PTPRT: variants seen among roughly 807,000 people sequenced by gnomAD.
PTPRT encodes the protein receptor-type tyrosine-protein phosphatase T.
A neutral mutation model predicts 176.8 loss-of-function variants in PTPRT; 56 were observed. That is an observed-to-expected ratio of 0.32 (90% CI 0.26 to 0.40). PTPRT has a LOEUF of 0.40. Among genes scored for constraint, PTPRT ranks in the 10% least tolerant of loss-of-function variants. PTPRT has a pLI of 1.00. For missense variants in PTPRT, 1,540 were observed against 1,908.2 expected (o/e 0.81, Z 3.60); for synonymous variants, 783 against 739.0 (o/e 1.06, Z -0.96).
chr20:42,605,598 G>C (rs932043584), intron 7 of PTPRT, among the ~76,000 whole-genome samples: 2 of 152,186 alleles, frequency 1.3e-5, no homozygotes, highest in Non-Finnish European at 2.9e-5. Flanking sequence ...TTGGAGGAAA[G>C]GGTGTTCCTG....
intron 5 of PTPRT, among the ~76,000 whole-genome samples, chr20:42,766,150 A>G (rs562363868): frequency 1.3e-5 from 2 of 152,334 alleles, no homozygotes; most frequent in South Asian, 4.1e-4. Context: ...TGGACTCCAC[A>G]AAACTGTAGA....
At chr20:42,536,095 C>T (rs1236573924) in intron 7 of PTPRT, among the ~76,000 whole-genome samples, 2 of 151,990 alleles carry the variant, frequency 1.3e-5, no homozygotes, top group African/African-American at 2.4e-5. Flanking sequence ...AATGCTGCAC[C>T]AAGCAGAAGC....
At chr20:42,113,375 C>T (rs938484694) in intron 22 of PTPRT, among the ~76,000 whole-genome samples, 6 of 152,200 alleles carry the variant, frequency 3.9e-5, no homozygotes, top group African/African-American at 1.4e-4. Flanking sequence ...GAGACTGGTA[C>T]CCCTGGGTCC....
chr20:42,544,207 C>T (rs1193605209), intron 7 of PTPRT, among the ~76,000 whole-genome samples: 2 of 152,210 alleles, frequency 1.3e-5, no homozygotes, highest in African/African-American at 2.4e-5. Context: ...AGACTTTTGT[C>T]TACACTAAAA....
chr20:42,973,849 A>C (rs975531583), intron 1 of PTPRT, among the ~76,000 whole-genome samples: 1 of 152,232 alleles, frequency 6.6e-6, no homozygotes, highest in African/African-American at 2.4e-5. Context: ...TTATTTTACC[A>C]GTACTCCATT....
intron 7 of PTPRT, among the ~76,000 whole-genome samples, chr20:42,644,795 T>C (rs1459793393): frequency 2.0e-5 from 3 of 152,194 alleles, no homozygotes; most frequent in Non-Finnish European, 4.4e-5. Flanking sequence ...GCAATTCATT[T>C]ACATTGCCTT....
chr20:42,535,301 A>T (rs1187929714), intron 7 of PTPRT, among the ~76,000 whole-genome samples: 1 of 152,192 alleles, frequency 6.6e-6, no homozygotes, highest in African/African-American at 2.4e-5. Flanking sequence ...AGAAAGGAAC[A>T]GCAGACACTG....
At chr20:42,033,594 G>T in the PTPRT span, among the ~76,000 whole-genome samples, 26 of 152,234 alleles carry the variant, frequency 1.7e-4, no homozygotes, top group East Asian at 2.5e-3. Context: ...TATGATGCAT[G>T]GTTAAGAGGG....
At chr20:42,140,274 C>G (rs1600577494) in intron 18 of PTPRT, among the ~76,000 whole-genome samples, 1 of 151,958 alleles carries the variant, frequency 6.6e-6, no homozygotes, top group African/African-American at 2.4e-5. Context: ...GAGCTGAGAC[C>G]CAGGGATGTT....
rs176378 is a variant in PTPRT at position 42,879,187 on chromosome 20, G to A, written c.214+6620C>T. On this transcript the variant is annotated intron_variant, in intron 2 of 30. Transcript: ENST00000373187. ...TAGAACTGCTATTAAAAATTACCAT[G>A]AGCTGGGTGGCTTAAGACAACAGAA... Among the ~76,000 whole-genome samples, 515 of 152,304 alleles carry A rather than the reference G, an allele frequency of 3.4e-3. 4 individuals carry two copies. Among genetic ancestry groups the A allele is most frequent in the African/African-American group, 0.011 (475 of 41,570 alleles).
At chr20:42,618,041 A>G (rs1167223037) in intron 7 of PTPRT, among the ~76,000 whole-genome samples, 1 of 136,102 alleles carries the variant, frequency 7.3e-6, no homozygotes. Flanking sequence ...TAGGGTGTCA[A>G]TTTTGGATCT....
At chr20:42,844,375 C>T (rs947178023) in intron 2 of PTPRT, among the ~76,000 whole-genome samples, 3 of 152,064 alleles carry the variant, frequency 2.0e-5, no homozygotes, top group Non-Finnish European at 2.9e-5. Context: ...AGATATGAGC[C>T]TGATGCCAAA....
intron 8 of PTPRT, among the ~76,000 whole-genome samples, chr20:42,454,787 GAGAA>G (rs1444083304): frequency 1.3e-5 from 2 of 152,126 alleles, no homozygotes; most frequent in African/African-American, 4.8e-5. Flanking sequence ...TTTTGTATGG[GAGAA>G]AGAGAGAGAC....
chr20:43,062,729 C>T (rs1987524447), intron 1 of PTPRT, among the ~76,000 whole-genome samples: 1 of 152,176 alleles, frequency 6.6e-6, no homozygotes. Context: ...ACATGGTTGA[C>T]AGTTACTATT....
At chr20:43,003,545 G>T (rs1984700474) in intron 1 of PTPRT, among the ~76,000 whole-genome samples, 1 of 152,140 alleles carries the variant, frequency 6.6e-6, no homozygotes, top group Admixed American at 6.5e-5. Flanking sequence ...TACACAAAAT[G>T]TCGGCCCTGA....
intron 6 of PTPRT, among the ~76,000 whole-genome samples, chr20:42,737,010 A>T (rs2076550622): frequency 1.3e-5 from 2 of 152,132 alleles, no homozygotes; most frequent in South Asian, 4.1e-4. Flanking sequence ...TGGGAGGGGG[A>T]TTTCAAATTC....
intron 4 of PTPRT, among the ~76,000 whole-genome samples, chr20:42,777,965 A>G (rs866217481): frequency 2.6e-5 from 4 of 152,164 alleles, no homozygotes; most frequent in African/African-American, 9.6e-5. Context: ...ACCCAACAGG[A>G]GCACATTATG....
chr20:42,420,006 A>T (rs1350951565), intron 9 of PTPRT, among the ~76,000 whole-genome samples: 1 of 152,150 alleles, frequency 6.6e-6, no homozygotes, highest in African/African-American at 2.4e-5. Context: ...GGTTTTCCCC[A>T]ACAGCCTTCG....
At chr20:43,087,976 G>A (rs2011669077) in intron 1 of PTPRT, among the ~76,000 whole-genome samples, 2 of 152,144 alleles carry the variant, frequency 1.3e-5, no homozygotes, top group Admixed American at 1.3e-4. Context: ...CCATACCACT[G>A]TAAGATGGCT....
Sources: allele counts gnomAD v4.1 joint callset (sites outside exome capture counted in the v4.1 genomes callset), GRCh38; gene constraint gnomAD v4.1.1; transcripts MANE v1.5; gene names NCBI Gene and HGNC (gene_info 2026-07-23, HGNC 2026-07-21).